TMEM266: variants seen among roughly 807,000 people sequenced by gnomAD.
TMEM266 encodes transmembrane protein 266.
TMEM266 carries 33 observed loss-of-function variants against 50.5 expected under a neutral mutation model. That is an observed-to-expected ratio of 0.65 (90% CI 0.50 to 0.87). The LOEUF is 0.87. Among genes scored for constraint, TMEM266 ranks in the 40% least tolerant of loss-of-function variants. The pLI is 0.00. For synonymous variants in TMEM266, 310 were observed against 292.3 expected, an observed-to-expected ratio of 1.06 and a Z score of -0.62; for missense variants, 655 against 695.1, an observed-to-expected ratio of 0.94 and a Z score of 0.65.
chr15:76,170,985 T>A lies in TMEM266; in HGVS notation c.514-8T>A. On this transcript the variant is annotated splice_polypyrimidine_tract_variant and splice_region_variant and intron_variant, in intron 6 of 10. Coordinates refer to ENST00000388942, the MANE Select transcript of TMEM266 (RefSeq NM_152335.3). ...GCCCAGGGCACTGAAATGGGCCTCC[T>A]CTCACAGGTGTTTGACGGGGCTGTG... The A allele has an allele frequency of 6.2e-7, 1 of 1,610,632 alleles. No homozygotes were observed. The highest frequency in any genetic ancestry group is 1.1e-5 in the South Asian group (1 of 90,326).
chr15:76,147,477 T>C (rs1435487238), intron 3 of TMEM266, among the ~76,000 whole-genome samples: 3 of 152,130 alleles, frequency 2.0e-5, no homozygotes, highest in Non-Finnish European at 4.4e-5. Flanking sequence ...ATAATCCACT[T>C]TCTTGATGCC....
intron 7 of TMEM266, among the ~76,000 whole-genome samples, chr15:76,172,984 C>G (rs2038208918): frequency 6.6e-6 from 1 of 152,198 alleles, no homozygotes; most frequent in Non-Finnish European, 1.5e-5. Flanking sequence ...CTGTCCCGCC[C>G]TTTTCCTGAC....
chr15:76,075,834 CA>C (rs139008885), intron 1 of TMEM266, among the ~76,000 whole-genome samples: 1,107 of 100,744 alleles, frequency 0.011, 27 homozygotes, highest in African/African-American at 0.036. Flanking sequence ...GAAGAGAAGG[CA>C]GCTTTTTTTT....
intron 1 of TMEM266, among the ~76,000 whole-genome samples, chr15:76,098,955 C>T (rs909639010): frequency 2.0e-5 from 3 of 152,148 alleles, no homozygotes; most frequent in African/African-American, 7.2e-5. Context: ...CCGGGTCCAT[C>T]TCAGACAGCT....
intron 4 of TMEM266, among the ~76,000 whole-genome samples, chr15:76,158,628 C>A (rs1156493577): frequency 6.6e-6 from 1 of 151,994 alleles, no homozygotes; most frequent in African/African-American, 2.4e-5. Context: ...CCATAAAACG[C>A]ACAATCAGAG....
intron 1 of TMEM266, among the ~76,000 whole-genome samples, chr15:76,119,413 GA>G (rs2037305470): frequency 7.8e-6 from 1 of 128,636 alleles, no homozygotes; most frequent in Non-Finnish European, 1.7e-5. Flanking sequence ...AAAAAAAAAA[GA>G]AAAGAAAAGA....
chr15:76,135,191 G>A (rs2037569535), intron 2 of TMEM266, among the ~76,000 whole-genome samples: 1 of 152,234 alleles, frequency 6.6e-6, no homozygotes, highest in African/African-American at 2.4e-5. Context: ...GAAGTTATAT[G>A]CCAAAGGGCA....
chr15:76,204,331 G>A lies in TMEM266; in HGVS notation c.*16G>A. 1 of 1,578,696 alleles carries A rather than the reference G, an allele frequency of 6.3e-7. No individual in the cohort carries two copies. The highest frequency in any genetic ancestry group is 8.6e-7 in the Non-Finnish European group (1 of 1,157,234). Reference sequence around the variant, plus strand: ...TGAGGCCTAGAGCCTGCCATGGGCTGGGTGAGATGAGGGGAGACAGCCATC... The same window carrying A: ...TGAGGCCTAGAGCCTGCCATGGGCTAGGTGAGATGAGGGGAGACAGCCATC... On this transcript the variant is annotated 3_prime_UTR_variant, in exon 11 of 11. Transcript: ENST00000388942.
chr15:76,092,579 A>C (rs1468171994), intron 1 of TMEM266, among the ~76,000 whole-genome samples: 4 of 151,670 alleles, frequency 2.6e-5, no homozygotes, highest in Non-Finnish European at 5.9e-5. Flanking sequence ...AATCCCAGCT[A>C]CTCTGGAGGC....
intron 7 of TMEM266, among the ~76,000 whole-genome samples, chr15:76,173,091 T>C (rs1314320508): frequency 1.3e-5 from 2 of 152,038 alleles, no homozygotes; most frequent in African/African-American, 4.8e-5. Flanking sequence ...TAACCCTGGG[T>C]GTGAACTGGC....
chr15:76,115,114 A>T (rs2037228777), intron 1 of TMEM266, among the ~76,000 whole-genome samples: 1 of 152,086 alleles, frequency 6.6e-6, no homozygotes, highest in Non-Finnish European at 1.5e-5. Context: ...CTATTTTTTT[A>T]AAAAAGAAAT....
intron 3 of TMEM266, among the ~76,000 whole-genome samples, chr15:76,143,310 C>T (rs2037708978): frequency 6.6e-6 from 1 of 152,150 alleles, no homozygotes; most frequent in African/African-American, 2.4e-5. Flanking sequence ...TTTGCTACCT[C>T]CCCTTCACCC....
At chr15:76,193,132 GCT>G (rs1319150783) in intron 9 of TMEM266, among the ~76,000 whole-genome samples, 1 of 152,240 alleles carries the variant, frequency 6.6e-6, no homozygotes, top group African/African-American at 2.4e-5. Context: ...CTTAACTCCA[GCT>G]CTGTCTGCCT....
intron 1 of TMEM266, among the ~76,000 whole-genome samples, chr15:76,120,620 G>A (rs923816680): frequency 6.6e-6 from 1 of 151,850 alleles, no homozygotes; most frequent in Non-Finnish European, 1.5e-5. Context: ...AATTATCTGG[G>A]CGTGGTAGCA....
chr15:76,166,581 C>G (rs1211870444), intron 5 of TMEM266, among the ~76,000 whole-genome samples: 6 of 152,342 alleles, frequency 3.9e-5, no homozygotes, highest in African/African-American at 1.4e-4. Context: ...GGCACAGAGG[C>G]TCTGGGTGCG....
At chr15:76,098,134 G>C (rs2036948962) in intron 1 of TMEM266, among the ~76,000 whole-genome samples, 1 of 151,978 alleles carries the variant, frequency 6.6e-6, no homozygotes, top group African/African-American at 2.4e-5. Context: ...ATCCAGTTTT[G>C]TTCCCTTGCT....
intron 4 of TMEM266, 119 bp downstream of exon 4, chr15:76,156,877 C>G (rs2037935849): frequency 1.8e-6 from 2 of 1,083,758 alleles, no homozygotes; most frequent in African/African-American, 3.1e-5. Flanking sequence ...ATGCTGCTGC[C>G]CAGCCTCAGG....
At chr15:76,063,934 C>T (rs939494508) in intron 1 of TMEM266, among the ~76,000 whole-genome samples, 8 of 152,200 alleles carry the variant, frequency 5.3e-5, no homozygotes, top group East Asian at 3.9e-4. Context: ...ACTCTTGAGC[C>T]GGTGTTGGGA....
At chr15:76,185,869 C>G (rs377380487) in intron 8 of TMEM266, among the ~76,000 whole-genome samples, 1 of 152,102 alleles carries the variant, frequency 6.6e-6, no homozygotes, top group African/African-American at 2.4e-5. Flanking sequence ...GTACAGAGCT[C>G]GTCATTGACT....
Sources: allele counts gnomAD v4.1 joint callset (sites outside exome capture counted in the v4.1 genomes callset), GRCh38; gene constraint gnomAD v4.1.1; transcripts MANE v1.5; gene names NCBI Gene and HGNC (gene_info 2026-07-23, HGNC 2026-07-21).